Variants in UPRT observed in about 807,000 individuals in gnomAD.
UPRT encodes the protein RP11-311P8.3.
Under a neutral mutation model 22.6 loss-of-function variants are expected in UPRT, and 5 were observed. The observed-to-expected ratio is 0.22, with a 90% CI of 0.12 to 0.47. The LOEUF (loss-of-function observed/expected upper bound fraction) is 0.47. UPRT is among the 20% of genes least tolerant of loss of function. The pLI, the probability that UPRT is intolerant of heterozygous loss-of-function variation, is 0.99. For missense variants in UPRT, 181 were observed against 239.9 expected (o/e 0.75, Z 1.62); for synonymous variants, 77 against 87.7 (o/e 0.88, Z 0.68).
chrX:75,293,775 T>C (rs1425812226), intron 2 of UPRT, among the ~76,000 whole-genome samples: 2 of 111,897 alleles, frequency 1.8e-5, no homozygotes, highest in Non-Finnish European at 3.8e-5. Context: ...TCTTGGTAAC[T>C]TGAGTTTCAG....
chrX:75,268,747 T>A (rs1459566903), intron 4 of UPRT, among the ~76,000 whole-genome samples: 1 of 111,696 alleles, frequency 9.0e-6, no homozygotes, highest in East Asian at 2.8e-4. Context: ...TAGGTATTGA[T>A]GGAATGTATG....
At chrX:75,205,167 G>A (rs1424006524) in intron 4 of UPRT, among the ~76,000 whole-genome samples, 10 of 108,142 alleles carry the variant, frequency 9.2e-5, no homozygotes, top group Admixed American at 3.9e-4. Context: ...TCAGGAGATC[G>A]AGACCATCCT....
intron 4 of UPRT, among the ~76,000 whole-genome samples, chrX:75,263,769 GTGTT>G (rs1158525001): frequency 9.1e-6 from 1 of 110,299 alleles, no homozygotes; most frequent in East Asian, 2.8e-4. Context: ...GCTTTTGAAT[GTGTT>G]TGCTCTTGCT....
intron 4 of UPRT, among the ~76,000 whole-genome samples, chrX:75,257,021 A>G (rs932657272): frequency 2.7e-5 from 3 of 112,122 alleles, no homozygotes; most frequent in African/African-American, 9.7e-5. Context: ...TAATTCTATG[A>G]AGCCAGTATC....
chrX:75,293,609 C>G, intron 2 of UPRT, 95 bp downstream of exon 2: 1 of 920,156 alleles, frequency 1.1e-6, no homozygotes. Context: ...CATTCTGGGG[C>G]TGAAAGAGAT....
chrX:75,261,191 G>C (rs1172158665), intron 4 of UPRT, among the ~76,000 whole-genome samples: 1 of 111,360 alleles, frequency 9.0e-6, no homozygotes, highest in Non-Finnish European at 1.9e-5. Context: ...ACAATTAAAA[G>C]AACTAGAGAA....
At chrX:75,252,470 T>C (rs1429424697) in intron 4 of UPRT, among the ~76,000 whole-genome samples, 3 of 112,076 alleles carry the variant, frequency 2.7e-5, no homozygotes, top group Non-Finnish European at 5.6e-5. Flanking sequence ...ATTGGAGAAA[T>C]GCAAATCAAA....
intron 4 of UPRT, among the ~76,000 whole-genome samples, chrX:75,217,565 C>A (rs1330067630): frequency 8.9e-6 from 1 of 111,868 alleles, no homozygotes; most frequent in Non-Finnish European, 1.9e-5. Flanking sequence ...CTCTTTGAAG[C>A]AATTGTGAAT....
chrX:75,225,323 CCACACACA>C lies in UPRT; in HGVS notation c.-447+57480_-447+57487del, dbSNP rs57493246. Among the ~76,000 whole-genome samples, 211 of 82,031 alleles carry C rather than the reference CCACACACA, an allele frequency of 2.6e-3. 1 individual carries two copies. Among genetic ancestry groups the C allele is most frequent in the African/African-American group, 8.2e-3 (185 of 22,532 alleles). The allele number at this position is 82,031 out of a possible 115,157, so 71.2% of individuals were successfully genotyped here. On this transcript the variant is annotated intron_variant, in intron 4 of 13. Coordinates refer to the UPRT transcript ENST00000652605. ...ACAAAAACAAAACCAAAACCAAAAA[CCACACACA>C]CACACACACACACACACACACACAC...
chrX:75,237,434 C>A (rs188623107), intron 4 of UPRT, among the ~76,000 whole-genome samples: 1,471 of 111,316 alleles, frequency 0.013, 17 homozygotes, highest in African/African-American at 0.046. Context: ...TTTGACCCAG[C>A]CATCCCATTA....
intron 4 of UPRT, among the ~76,000 whole-genome samples, chrX:75,188,069 A>G (rs944035434): frequency 8.9e-6 from 1 of 112,304 alleles, no homozygotes; most frequent in African/African-American, 3.2e-5. Flanking sequence ...CTGGTGAGGA[A>G]CTGCATTCCT....
At chrX:75,265,503 G>C (rs1272982763) in intron 4 of UPRT, among the ~76,000 whole-genome samples, 1 of 112,230 alleles carries the variant, frequency 8.9e-6, no homozygotes, top group Non-Finnish European at 1.9e-5. Flanking sequence ...TTGTCACGTA[G>C]TTCTTGTGCT....
upstream of UPRT, among the ~76,000 whole-genome samples, chrX:75,270,016 G>A (rs1364536436): frequency 9.0e-6 from 1 of 111,022 alleles, no homozygotes; most frequent in African/African-American, 3.3e-5. Flanking sequence ...TCTGACAAAG[G>A]GCTAATATCC....
At chrX:75,176,116 C>T (rs1049076140) in intron 4 of UPRT, among the ~76,000 whole-genome samples, 1 of 111,230 alleles carries the variant, frequency 9.0e-6, no homozygotes, top group East Asian at 2.8e-4. Context: ...ATTCCTTTCC[C>T]TGGGTTATGG....
chrX:75,281,068 G>A (rs1477888524), intron 1 of UPRT, among the ~76,000 whole-genome samples: 1 of 110,862 alleles, frequency 9.0e-6, no homozygotes, highest in East Asian at 2.8e-4. Context: ...TTCTCAGCTT[G>A]GGTACTGTTT....
chrX:75,262,772 G>C (rs2082573153), intron 4 of UPRT, among the ~76,000 whole-genome samples: 1 of 111,750 alleles, frequency 8.9e-6, no homozygotes, highest in African/African-American at 3.3e-5. Context: ...AAATATATAT[G>C]AATCTAATAC....
intron 4 of UPRT, among the ~76,000 whole-genome samples, chrX:75,208,022 C>G (rs760300620): frequency 9.8e-4 from 109 of 111,457 alleles, no homozygotes; most frequent in Non-Finnish European, 1.9e-3. Flanking sequence ...CCATGTAGAG[C>G]AGCTTGGTCA....
chrX:75,288,401 A>T, intron 1 of UPRT, among the ~76,000 whole-genome samples: 1 of 112,218 alleles, frequency 8.9e-6, no homozygotes. Flanking sequence ...ACTTCAAGCC[A>T]CTTATGATGA....
In UPRT at chrX:75,274,215, T is replaced by A; in HGVS notation, c.-40T>A. ...CTTTCTACCCGTTCCTCTTTATCTT[T>A]AGTGTTCAGTAGCAGCGGGGATAGC... On this transcript the variant is annotated 5_prime_UTR_variant, in exon 1 of 7. Coordinates refer to ENST00000373383, the MANE Select transcript of UPRT (RefSeq NM_145052.4). 1.7e-6 allele frequency: 2 copies of A among 1,166,477 alleles called. No individual in the cohort carries two copies. Among genetic ancestry groups the A allele is most frequent in the Non-Finnish European group, 2.3e-6 (2 of 871,879 alleles).
Sources: allele counts gnomAD v4.1 joint callset (sites outside exome capture counted in the v4.1 genomes callset), GRCh38; gene constraint gnomAD v4.1.1; transcripts MANE v1.5; gene names NCBI Gene and HGNC (gene_info 2026-07-23, HGNC 2026-07-21).